CDKL5: variants seen among roughly 807,000 people sequenced by gnomAD.
CDKL5 encodes cyclin dependent kinase like 5, also known as cyclin-dependent kinase-like 5.
CDKL5 carries 8 observed loss-of-function variants against 61.7 expected under a neutral mutation model. The ratio of observed to expected loss-of-function variants is 0.13; its 90% CI spans 0.08 to 0.23. The LOEUF is 0.23. Among genes scored for constraint, CDKL5 ranks in the 10% least tolerant of loss-of-function variants. CDKL5 has a pLI of 1.00. For synonymous variants in CDKL5, 275 were observed against 272.3 expected, an observed-to-expected ratio of 1.01 and a Z score of -0.10; for missense variants, 440 against 734.5, an observed-to-expected ratio of 0.60 and a Z score of 4.63.
intron 12 of CDKL5, among the ~76,000 whole-genome samples, chrX:18,607,158 G>A (rs1926391865): frequency 9.0e-6 from 1 of 111,454 alleles, no homozygotes; most frequent in African/African-American, 3.3e-5. Flanking sequence ...GTGTCTTGCG[G>A]ACATGTTGAA....
Position 18,633,485 on chromosome X carries a change from A to G in CDKL5, c.*4728A>G. Reference sequence around the variant, plus strand: ...GCTTACAAAAATAACCAGAAACCAAACTTGTAAGCAGTTACAATTTCTTCC... The same window carrying G: ...GCTTACAAAAATAACCAGAAACCAAGCTTGTAAGCAGTTACAATTTCTTCC... On this transcript the variant is annotated 3_prime_UTR_variant, in exon 18 of 18. Transcript: ENST00000623535. 2.7e-6 allele frequency: 2 copies of G among 754,108 alleles called. No individual in the cohort carries two copies. Among genetic ancestry groups the G allele is most frequent in the Non-Finnish European group, 3.1e-6 (2 of 639,162 alleles). The allele number at this position is 754,108 out of a possible 1,213,427, so 62.1% of individuals were successfully genotyped here. A position where few individuals can be genotyped will look rare whatever the true frequency, so the allele number is the denominator to read the frequency against.
At chrX:18,625,296 G>A in intron 17 of CDKL5, 49 bp downstream of exon 17, 1 of 1,186,128 alleles carries the variant, frequency 8.4e-7, no homozygotes. Context: ...TCCAGTAACT[G>A]TCCTGAGGAG....
chrX:18,526,701 A>AT (rs750425980), intron 3 of CDKL5, among the ~76,000 whole-genome samples: 1 of 111,419 alleles, frequency 9.0e-6, no homozygotes, highest in East Asian at 2.8e-4. Flanking sequence ...GTATCCAGTG[A>AT]TAAGACCATG....
rs765303813 is a variant in CDKL5, at chrX:18,584,276, T to C, written c.477T>C (p.Asn159=). The stretch of plus-strand genomic sequence containing the variant: ...GCTATCTTTCAGGTTTTGCTCGTAA[T>C]CTGTCAGAAGGCAATAATGCTAATT... ...LKLCDFGFAR[N]LSEGNNANYT... The change falls in exon 8 of 18, where the codon AAT becomes AAC. Residue 159 remains asparagine, a synonymous_variant. Coordinates refer to ENST00000623535, the MANE Select transcript of CDKL5 (RefSeq NM_001323289.2). 1 of 1,199,716 alleles carries C rather than the reference T, an allele frequency of 8.3e-7. No individual in the cohort carries two copies. The highest frequency in any genetic ancestry group is 2.3e-4 in the Middle Eastern group (1 of 4,318).
At chrX:18,593,328 C>A (rs1353896387) in intron 9 of CDKL5, among the ~76,000 whole-genome samples, 4 of 112,082 alleles carry the variant, frequency 3.6e-5, no homozygotes, top group African/African-American at 1.3e-4. Flanking sequence ...TTTGCTTGGT[C>A]ATTTTTTATT....
In CDKL5 at chrX:18,604,877, G is replaced by T. The variant is rs1211566469; in HGVS notation, c.1944+9G>T. 8.3e-7 allele frequency: 1 copy of T among 1,209,065 alleles called. No homozygotes were observed. The highest frequency in any genetic ancestry group is 1.8e-5 in the African/African-American group (1 of 57,021). ...AACTCTTGTCACCCCAGGTACAGTT[G>T]AGCACCTTGACTGAATCTGGTGGCC... is the stretch of plus-strand genomic sequence containing the variant. On this transcript the variant is annotated intron_variant, in intron 12 of 17. Coordinates refer to ENST00000623535, the MANE Select transcript of CDKL5 (RefSeq NM_001323289.2).
chrX:18,589,587 G>A (rs1251460204), intron 9 of CDKL5: 3 of 111,569 alleles, frequency 2.7e-5, no homozygotes, highest in African/African-American at 6.5e-5. Flanking sequence ...TGTGAATAGT[G>A]CCGCAGTAAA....
chrX:18,490,103 T>A (rs1304592998), intron 1 of CDKL5, among the ~76,000 whole-genome samples: 1 of 111,713 alleles, frequency 9.0e-6, no homozygotes, highest in African/African-American at 3.3e-5. Flanking sequence ...ACGGAAGGCC[T>A]GTGCTGGCTC....
At chrX:18,616,004 C>G (rs1381173508) in intron 15 of CDKL5, among the ~76,000 whole-genome samples, 1 of 111,586 alleles carries the variant, frequency 9.0e-6, no homozygotes, top group East Asian at 2.8e-4. Flanking sequence ...TGGGATTAAT[C>G]ATCTTTACTA....
chrX:18,556,721 A>G (rs138801172), intron 3 of CDKL5, among the ~76,000 whole-genome samples: 2,439 of 110,346 alleles, frequency 0.022, 28 homozygotes, highest in Non-Finnish European at 0.03. Flanking sequence ...TGTCTCTACT[A>G]AAAATACAGA....
At chrX:18,570,629 A>G (rs1221962489) in intron 4 of CDKL5, among the ~76,000 whole-genome samples, 1 of 111,511 alleles carries the variant, frequency 9.0e-6, no homozygotes, top group Non-Finnish European at 1.9e-5. Context: ...GCTATACAAA[A>G]ATGTCAGGTT....
chrX:18,625,556 A>G (rs1275529972), intron 17 of CDKL5, among the ~76,000 whole-genome samples: 1 of 111,738 alleles, frequency 8.9e-6, no homozygotes, highest in Non-Finnish European at 1.9e-5. Flanking sequence ...AAAGAACCAT[A>G]ATTCATGGTA....
chrX:18,647,755 G>C (rs776806108), intron 20 of CDKL5: 1 of 161,058 alleles, frequency 6.2e-6, no homozygotes, highest in Non-Finnish European at 1.2e-5. Flanking sequence ...ATGACGTCAG[G>C]TCTCTTGTTG....
chrX:18,610,138 G>T (rs1048491830), intron 14 of CDKL5, among the ~76,000 whole-genome samples: 2 of 102,341 alleles, frequency 2.0e-5, no homozygotes, highest in Non-Finnish European at 3.9e-5. Flanking sequence ...CTTCCCATTG[G>T]CATCAGGACA....
Position 18,632,958 on chromosome X carries a change from T to C in CDKL5, c.*4201T>C, listed in dbSNP as rs971944292. On this transcript the variant is annotated 3_prime_UTR_variant, in exon 18 of 18. Coordinates refer to ENST00000623535, the MANE Select transcript of CDKL5 (RefSeq NM_001323289.2). ...AACTTTTTTTCAAAGGCCAGAGGAT[T>C]ACTTTGCAAGTGTGTAGAAAGATCT... The C allele has an allele frequency of 1.3e-6, 1 of 752,917 alleles. No individual in the cohort carries two copies. Among genetic ancestry groups the C allele is most frequent in the Non-Finnish European group, 1.6e-6 (1 of 638,994 alleles). The allele number at this position is 752,917 out of a possible 1,213,427, so 62.0% of individuals were successfully genotyped here.
rs1162752218 is a variant in CDKL5 at position 18,493,813 on chromosome X, C to T, written c.-162-13122C>T. ...TTCAGAAAATATTACCCCAAAGAAA[C>T]CGTGTTAAAATTGATCTTTATATTT... On this transcript the variant is annotated intron_variant, in intron 1 of 17. Coordinates refer to ENST00000623535, the MANE Select transcript of CDKL5 (RefSeq NM_001323289.2). Among the ~76,000 whole-genome samples, 4 of 112,093 alleles carry T rather than the reference C, an allele frequency of 3.6e-5. No homozygotes were observed. The Admixed American group carries it at 3.8e-4, about 11-fold the overall frequency.
Position 18,628,993 on chromosome X carries a change from G to T in CDKL5, c.*236G>T. Reference sequence around the variant, plus strand: ...GGGATCGCCACTCCCCACAGGTCTTGTGTGAGAATAGATAGAGTGTGCCAT... The same window carrying T: ...GGGATCGCCACTCCCCACAGGTCTTTTGTGAGAATAGATAGAGTGTGCCAT... On this transcript the variant is annotated 3_prime_UTR_variant, in exon 18 of 18. Coordinates refer to ENST00000623535, the MANE Select transcript of CDKL5 (RefSeq NM_001323289.2). 1.0e-6 allele frequency: 1 copy of T among 991,429 alleles called. No individual in the cohort carries two copies. The allele number at this position is 991,429 out of a possible 1,213,427, so 81.7% of individuals were successfully genotyped here. A position where few individuals can be genotyped will look rare whatever the true frequency, so the allele number is the denominator to read the frequency against.
chrX:18,438,615 C>T (rs1409509332), intron 1 of CDKL5, among the ~76,000 whole-genome samples: 10 of 105,034 alleles, frequency 9.5e-5, no homozygotes, highest in Non-Finnish European at 1.9e-4. Context: ...ATGGTGAAAC[C>T]CCCGTCTCTA....
chrX:18,428,974 T>C (rs1217364886), intron 1 of CDKL5, among the ~76,000 whole-genome samples: 3 of 111,344 alleles, frequency 2.7e-5, no homozygotes, highest in Non-Finnish European at 5.6e-5. Flanking sequence ...AGTGTTCAGA[T>C]TTTAGGTTTT....
Sources: gnomAD v4.1 joint callset for allele counts (sites outside exome capture counted in the v4.1 genomes callset) on GRCh38, gnomAD v4.1.1 for gene constraint, MANE v1.5 for transcripts, NCBI Gene and HGNC (gene_info 2026-07-23, HGNC 2026-07-21) for gene names.